PIP5K1C: variants seen among roughly 807,000 people sequenced by gnomAD.
PIP5K1C encodes phosphatidylinositol-4-phosphate 5-kinase type 1 gamma, also known as phosphatidylinositol 4-phosphate 5-kinase type-1 gamma.
PIP5K1C carries 45 observed loss-of-function variants against 80.1 expected under a neutral mutation model. That is an observed-to-expected ratio of 0.56 (90% confidence interval 0.44 to 0.72). The LOEUF (loss-of-function observed/expected upper bound fraction) is 0.72. PIP5K1C is among the 30% of genes least tolerant of loss of function. The pLI, the probability that PIP5K1C is intolerant of heterozygous loss-of-function variation, is 0.00. For synonymous variants in PIP5K1C, 498 were observed against 420.1 expected, an observed-to-expected ratio of 1.19 and a Z score of -2.27; for missense variants, 753 against 954.6, an observed-to-expected ratio of 0.79 and a Z score of 2.78.
intron 7 of PIP5K1C, 93 bp from the exon 8 acceptor site, chr19:3,652,124 C>T: frequency 8.2e-7 from 1 of 1,212,926 alleles, no homozygotes; most frequent in South Asian, 1.3e-5. Flanking sequence ...GCACGGATGG[C>T]CCCGTGGGCT....
At chr19:3,682,687 T>A (rs2035623979) in intron 1 of PIP5K1C, among the ~76,000 whole-genome samples, 1 of 151,958 alleles carries the variant, frequency 6.6e-6, no homozygotes, top group South Asian at 2.1e-4. Flanking sequence ...AGACTGTCCC[T>A]ATAAAAAAAT....
chr19:3,641,274 G>T (rs978137310), intron 15 of PIP5K1C, among the ~76,000 whole-genome samples: 1 of 151,332 alleles, frequency 6.6e-6, no homozygotes, highest in East Asian at 1.9e-4. Flanking sequence ...TACTAAAAAG[G>T]TTAAAAAAAA....
At chr19:3,663,934 GCA>G (rs1482878088) in intron 3 of PIP5K1C, among the ~76,000 whole-genome samples, 1 of 152,214 alleles carries the variant, frequency 6.6e-6, no homozygotes, top group Non-Finnish European at 1.5e-5. Context: ...GTCCTCAGCA[GCA>G]CAATTCACAA....
chr19:3,647,833 G>A (rs1289592120), intron 9 of PIP5K1C, among the ~76,000 whole-genome samples: 1 of 152,208 alleles, frequency 6.6e-6, no homozygotes, highest in Non-Finnish European at 1.5e-5. Flanking sequence ...AGTAATCCCA[G>A]CTACTGGGGA....
chr19:3,652,111 C>T, intron 7 of PIP5K1C, 80 bp from the exon 8 acceptor site: 1 of 1,402,126 alleles, frequency 7.1e-7, no homozygotes, highest in Non-Finnish European at 1.0e-6. Context: ...TATGGGGTTC[C>T]CAGCACGGAT....
In PIP5K1C at chr19:3,656,604, A is replaced by AC. The variant is rs150991978; in HGVS notation, c.469-48dup. On this transcript the variant is annotated intron_variant, in intron 5 of 17. Transcript: ENST00000335312. ...CAGCGGGCCCCAAGCTGCCGGACACACAGACAGCACTGGCTTCCGGTCTGC... is the reference window on the plus strand; with the variant it reads ...CAGCGGGCCCCAAGCTGCCGGACACACCAGACAGCACTGGCTTCCGGTCTGC... 2.0e-3 allele frequency: 3,247 copies of AC among 1,605,070 alleles called. 6 individuals carry two copies. The highest frequency in any genetic ancestry group is 2.4e-3 in the Non-Finnish European group (2,868 of 1,174,176).
At chr19:3,670,766 G>T in intron 1 of PIP5K1C, among the ~76,000 whole-genome samples, 1 of 152,240 alleles carries the variant, frequency 6.6e-6, no homozygotes, top group Admixed American at 6.5e-5. Flanking sequence ...GGTGGGCAGC[G>T]GGTGGGCCCT....
chr19:3,639,080 C>T, intron 15 of PIP5K1C, 64 bp from the exon 16 acceptor site: 1 of 1,574,560 alleles, frequency 6.4e-7, no homozygotes, highest in African/African-American at 1.3e-5. Flanking sequence ...CCCCGCGCCC[C>T]CACTCAGGAC....
intron 1 of PIP5K1C, among the ~76,000 whole-genome samples, chr19:3,695,642 G>C (rs1025483908): frequency 1.3e-5 from 2 of 152,026 alleles, no homozygotes; most frequent in Non-Finnish European, 2.9e-5. Flanking sequence ...GGGCGGGAGA[G>C]AATGGGGAAC....
chr19:3,665,025 G>T, intron 2 of PIP5K1C, 111 bp from the exon 3 acceptor site: 1 of 873,408 alleles, frequency 1.1e-6, no homozygotes, highest in Non-Finnish European at 1.9e-6. Context: ...CAGCAGGGGT[G>T]CACAGGGCAG....
chr19:3,633,139 C>G lies in PIP5K1C; in HGVS notation c.*28G>C. On this transcript the variant is annotated 3_prime_UTR_variant, in exon 18 of 18. Coordinates refer to ENST00000335312, the MANE Select transcript of PIP5K1C (RefSeq NM_012398.3). ...GGGCAGCCGGAGCAGAAGTGGAGCT[C>G]GGCTCTGGGTCGGGGGCTGCATAGA... 1.3e-6 allele frequency: 1 copy of G among 757,212 alleles called. No individual in the cohort carries two copies. Among genetic ancestry groups the G allele is most frequent in the South Asian group, 1.4e-5 (1 of 71,570 alleles). 46.9% of individuals were successfully genotyped at this position (757,212 alleles called of 1,614,324 possible). A position where few individuals can be genotyped will look rare whatever the true frequency, so the allele number is the denominator to read the frequency against.
Position 3,678,478 on chromosome 19 carries a change from A to AGGAGGGATGGAAGGATGGAG in PIP5K1C, c.95-11126_95-11125insCTCCATCCTTCCATCCCTCC, listed in dbSNP as rs1555727772. ...GGAGGGATGGAGGATGGAGGGATGGAGGAGGGATGGAGGCAAGGAGGATGG... is the reference window on the plus strand; with the variant it reads ...GGAGGGATGGAGGATGGAGGGATGGAGGAGGGATGGAAGGATGGAGGGAGGGATGGAGGCAAGGAGGATGG... On this transcript the variant is annotated intron_variant, in intron 1 of 17. Coordinates refer to ENST00000335312, the MANE Select transcript of PIP5K1C (RefSeq NM_012398.3). Among the ~76,000 whole-genome samples, 105 of 88,602 alleles carry AGGAGGGATGGAAGGATGGAG rather than the reference A, an allele frequency of 1.2e-3. 2 individuals are homozygous for AGGAGGGATGGAAGGATGGAG. The highest frequency in any genetic ancestry group is 4.4e-3 in the African/African-American group (99 of 22,540). The allele number at this position is 88,602 out of a possible 152,430, so 58.1% of individuals were successfully genotyped here. A position where few individuals can be genotyped will look rare whatever the true frequency, so the allele number is the denominator to read the frequency against.
chr19:3,679,649 C>T lies in PIP5K1C; in HGVS notation c.95-12296G>A, dbSNP rs372720173. On this transcript the variant is annotated intron_variant, in intron 1 of 17. Transcript: ENST00000335312. ...CTGGGAGATCCAGAGGGGTCCTCAG[C>T]TGTGGAGGGGGAGCACTGGAGAGGA... Among the ~76,000 whole-genome samples, 6 of 152,262 alleles carry T rather than the reference C, an allele frequency of 3.9e-5. No individual in the cohort carries two copies. In the South Asian group the frequency reaches 1.2e-3, roughly 32 times the overall value.
In PIP5K1C at chr19:3,661,993, G is replaced by A. The variant is rs1482181030; in HGVS notation, c.228C>T (p.Ser76=). ...SGETTYKKTT[S]STLKGAIQLG... ...GCTGGATGGCACCCTTCAGGGTGGA[G>A]GAGGTGGTCTGCAGGGAGACCAGAG... is the stretch of plus-strand genomic sequence containing the variant. Residue 76 remains serine (S), a synonymous_variant, in exon 4 of 18, where the codon TCC becomes TCT. Transcript: ENST00000335312. The A allele has an allele frequency of 4.4e-6, 7 of 1,597,664 alleles. No homozygotes were observed. The highest frequency in any genetic ancestry group is 1.7e-4 in the Middle Eastern group (1 of 6,024).
chr19:3,673,066 T>G (rs2035261897), intron 1 of PIP5K1C, among the ~76,000 whole-genome samples: 1 of 70,448 alleles, frequency 1.4e-5, no homozygotes, highest in African/African-American at 5.6e-5. Flanking sequence ...CAGGCCTCAC[T>G]GCAACCCTGC....
intron 1 of PIP5K1C, among the ~76,000 whole-genome samples, chr19:3,695,028 G>T (rs1426277568): frequency 6.6e-6 from 1 of 152,268 alleles, no homozygotes; most frequent in Non-Finnish European, 1.5e-5. Flanking sequence ...CAAATGGTGT[G>T]GCCGTTGCCA....
chr19:3,643,411 G>T, intron 12 of PIP5K1C, 30 bp from the exon 13 acceptor site: 1 of 1,611,768 alleles, frequency 6.2e-7, no homozygotes, highest in South Asian at 1.1e-5. Context: ...GGCACCTTGC[G>T]GAGCCTCCGA....
At chr19:3,643,481 C>A in intron 12 of PIP5K1C, 100 bp from the exon 13 acceptor site, 2 of 1,421,568 alleles carry the variant, frequency 1.4e-6, no homozygotes, top group Non-Finnish European at 1.9e-6. Flanking sequence ...ACCCACAGCC[C>A]AGTGCCCGCC....
intron 1 of PIP5K1C, among the ~76,000 whole-genome samples, chr19:3,683,473 CGT>C (rs1443932540): frequency 6.6e-6 from 1 of 152,218 alleles, no homozygotes; most frequent in Non-Finnish European, 1.5e-5. Context: ...CCACCTTCGC[CGT>C]GTGTGTGGCG....
Sources: gnomAD v4.1 joint callset for allele counts (sites outside exome capture counted in the v4.1 genomes callset) on GRCh38, gnomAD v4.1.1 for gene constraint, MANE v1.5 for transcripts, NCBI Gene and HGNC (gene_info 2026-07-23, HGNC 2026-07-21) for gene names.